Variants in KIF6 observed in about 807,000 individuals in gnomAD.
KIF6 encodes the protein kinesin-like protein KIF6.
Under a neutral mutation model 112.7 loss-of-function variants are expected in KIF6, and 106 were observed. The ratio of observed to expected loss-of-function variants is 0.94; its 90% CI spans 0.80 to 1.11. KIF6 has a LOEUF of 1.11. Ranked by LOEUF, KIF6 falls within the 50% of genes least tolerant of loss-of-function variation. The pLI is 0.00. For synonymous variants in KIF6, 339 were observed against 339.9 expected, an observed-to-expected ratio of 1.00 and a Z score of 0.03; for missense variants, 929 against 964.0, an observed-to-expected ratio of 0.96 and a Z score of 0.48.
At chr6:39,645,422 C>A (rs1207815789) in intron 3 of KIF6, among the ~76,000 whole-genome samples, 1 of 152,114 alleles carries the variant, frequency 6.6e-6, no homozygotes, top group Non-Finnish European at 1.5e-5. Context: ...AGGATCTGCA[C>A]AAAGTGAGAC....
At chr6:39,367,203 G>A (rs1371308132) in intron 16 of KIF6, among the ~76,000 whole-genome samples, 1 of 152,218 alleles carries the variant, frequency 6.6e-6, no homozygotes, top group African/African-American at 2.4e-5. Context: ...AACCTCTGAA[G>A]AGAAATAGGG....
rs1260342052 is a variant in KIF6, at chr6:39,613,335, C to G, written c.510-17G>C. On this transcript the variant is annotated splice_polypyrimidine_tract_variant and intron_variant, in intron 5 of 22. Coordinates refer to ENST00000287152, the MANE Select transcript of KIF6 (RefSeq NM_145027.6). ...GTCACTTTCCTAAGCAAATGGGAAGCAAGAAAACAAGGTACTGCTGAGAAT... is the reference window on the plus strand; with the variant it reads ...GTCACTTTCCTAAGCAAATGGGAAGGAAGAAAACAAGGTACTGCTGAGAAT... 6.4e-7 allele frequency: 1 copy of G among 1,554,454 alleles called. No individual in the cohort carries two copies. The highest frequency in any genetic ancestry group is 1.4e-5 in the African/African-American group (1 of 71,278).
chr6:39,685,177 G>T (rs1221142928), intron 3 of KIF6, among the ~76,000 whole-genome samples: 1 of 152,198 alleles, frequency 6.6e-6, no homozygotes, highest in Non-Finnish European at 1.5e-5. Context: ...TGATGAGAAT[G>T]ATCTCATAGA....
At chr6:39,666,984 C>A (rs185293980) in intron 3 of KIF6, among the ~76,000 whole-genome samples, 48 of 152,236 alleles carry the variant, frequency 3.2e-4, no homozygotes, top group Middle Eastern at 3.4e-3. Flanking sequence ...CATTAAGTTC[C>A]TCATACACTT....
At chr6:39,692,105 C>A (rs547548473) in intron 3 of KIF6, among the ~76,000 whole-genome samples, 1 of 152,288 alleles carries the variant, frequency 6.6e-6, no homozygotes, top group South Asian at 2.1e-4. Flanking sequence ...GCTGAGATCT[C>A]GCCACTGCAC....
intron 9 of KIF6, among the ~76,000 whole-genome samples, chr6:39,584,202 G>T (rs1781468848): frequency 6.6e-6 from 1 of 151,568 alleles, no homozygotes; most frequent in Non-Finnish European, 1.5e-5. Flanking sequence ...TGGGTGGACT[G>T]CCTGAGCTCA....
chr6:39,700,904 G>A (rs2113835647), intron 3 of KIF6, among the ~76,000 whole-genome samples: 1 of 152,150 alleles, frequency 6.6e-6, no homozygotes, highest in South Asian at 2.1e-4. Context: ...AGTAGAGACA[G>A]GGCCAAGCTG....
At chr6:39,495,844 T>C (rs1775751068) in intron 13 of KIF6, among the ~76,000 whole-genome samples, 1 of 152,076 alleles carries the variant, frequency 6.6e-6, no homozygotes, top group South Asian at 2.1e-4. Flanking sequence ...GGGGAGGGGA[T>C]GGAGGAGGGA....
intron 3 of KIF6, among the ~76,000 whole-genome samples, chr6:39,697,734 G>A (rs2113825717): frequency 6.6e-6 from 1 of 152,086 alleles, no homozygotes; most frequent in Middle Eastern, 3.4e-3. Flanking sequence ...TTTTGGTAGA[G>A]ATGGGGTTTC....
intron 16 of KIF6, among the ~76,000 whole-genome samples, chr6:39,367,695 T>C (rs866358324): frequency 6.6e-6 from 1 of 152,214 alleles, no homozygotes; most frequent in South Asian, 2.1e-4. Context: ...CCAGTCAAGA[T>C]GTGGACCCCC....
chr6:39,455,259 C>A (rs1337868815), intron 13 of KIF6, among the ~76,000 whole-genome samples: 2 of 151,750 alleles, frequency 1.3e-5, no homozygotes, highest in Non-Finnish European at 2.9e-5. Context: ...AGCAGGGGCA[C>A]ACTGACACCT....
chr6:39,717,295 T>C (rs1481636676), intron 2 of KIF6, among the ~76,000 whole-genome samples: 2 of 152,022 alleles, frequency 1.3e-5, no homozygotes, highest in East Asian at 3.9e-4. Context: ...TACTCATGCT[T>C]ACTCCCCTCT....
At chr6:39,447,250 C>A (rs369277321) in intron 13 of KIF6, among the ~76,000 whole-genome samples, 4 of 152,180 alleles carry the variant, frequency 2.6e-5, no homozygotes, top group East Asian at 1.9e-4. Flanking sequence ...GGGCTTTCCA[C>A]CACCATGTCT....
intron 22 of KIF6, among the ~76,000 whole-genome samples, chr6:39,337,172 C>CTTCT (rs71543959): frequency 0.038 from 2,254 of 59,372 alleles, 111 homozygotes; most frequent in Admixed American, 0.048. Context: ...TCTTTCCTTC[C>CTTCT]TTCTTTCTTT....
At chr6:39,625,615 G>A (rs1207321184) in intron 5 of KIF6, among the ~76,000 whole-genome samples, 1 of 152,084 alleles carries the variant, frequency 6.6e-6, no homozygotes, top group Admixed American at 6.6e-5. Flanking sequence ...ATGCTTATAG[G>A]CCTAGGAGTC....
chr6:39,486,668 A>G (rs1775133706), intron 13 of KIF6, among the ~76,000 whole-genome samples: 1 of 152,234 alleles, frequency 6.6e-6, no homozygotes, highest in Non-Finnish European at 1.5e-5. Flanking sequence ...TGTACATACT[A>G]AAGAAACCCT....
intron 3 of KIF6, among the ~76,000 whole-genome samples, chr6:39,660,867 T>C (rs1363826484): frequency 1.3e-5 from 2 of 152,250 alleles, no homozygotes; most frequent in Admixed American, 6.5e-5. Context: ...TATTCCATAA[T>C]TATATCAAGT....
chr6:39,425,832 T>C (rs1181481950), intron 14 of KIF6, among the ~76,000 whole-genome samples: 1 of 145,820 alleles, frequency 6.9e-6, no homozygotes, highest in Non-Finnish European at 1.5e-5. Context: ...AGGGTTAAAA[T>C]GAAAGTCTAA....
At chr6:39,651,661 T>C (rs1443353288) in intron 3 of KIF6, among the ~76,000 whole-genome samples, 1 of 152,212 alleles carries the variant, frequency 6.6e-6, no homozygotes, top group Non-Finnish European at 1.5e-5. Flanking sequence ...TTGACTTCAA[T>C]TTTGTGTAAA....
Sources: gnomAD v4.1 joint callset for allele counts (sites outside exome capture counted in the v4.1 genomes callset) on GRCh38, gnomAD v4.1.1 for gene constraint, MANE v1.5 for transcripts, NCBI Gene and HGNC (gene_info 2026-07-23, HGNC 2026-07-21) for gene names.